PRORP: variants seen among roughly 807,000 people sequenced by gnomAD.
The protein encoded by PRORP is protein only RNase P catalytic subunit.
Under a neutral mutation model 59.4 loss-of-function variants are expected in PRORP, and 51 were observed. The observed-to-expected ratio is 0.86, with a 90% confidence interval of 0.69 to 1.08. The LOEUF is 1.08. Among genes scored for constraint, PRORP ranks in the 50% least tolerant of loss-of-function variants. The pLI is 0.00. For missense variants in PRORP, 646 were observed against 690.3 expected, an observed-to-expected ratio of 0.94 and a Z score of 0.72; for synonymous variants, 231 against 245.6, an observed-to-expected ratio of 0.94 and a Z score of 0.55.
intron 5 of PRORP, among the ~76,000 whole-genome samples, chr14:35,254,573 G>A (rs535817172): frequency 2.0e-5 from 3 of 152,184 alleles, no homozygotes; most frequent in African/African-American, 7.2e-5. Context: ...TGTATTTTTA[G>A]TAGAGATGAG....
intron 2 of PRORP, 68 bp from the exon 3 acceptor site, chr14:35,126,667 C>A: frequency 8.3e-7 from 1 of 1,206,046 alleles, no homozygotes; most frequent in Non-Finnish European, 1.2e-6. Flanking sequence ...TTTCCAAATA[C>A]CATGAATATC....
intron 5 of PRORP, among the ~76,000 whole-genome samples, chr14:35,182,908 A>C (rs2048650636): frequency 6.6e-6 from 1 of 152,190 alleles, no homozygotes; most frequent in African/African-American, 2.4e-5. Context: ...GTACATAAAG[A>C]AATGTATTCA....
intron 5 of PRORP, among the ~76,000 whole-genome samples, chr14:35,196,141 G>A (rs1214370317): frequency 6.6e-6 from 1 of 152,150 alleles, no homozygotes; most frequent in Non-Finnish European, 1.5e-5. Flanking sequence ...ATAAACTTGG[G>A]CTGTGAATCT....
At chr14:35,220,002 T>C (rs1388375187) in intron 5 of PRORP, among the ~76,000 whole-genome samples, 1 of 152,238 alleles carries the variant, frequency 6.6e-6, no homozygotes, top group Non-Finnish European at 1.5e-5. Flanking sequence ...TGTCTCTTTT[T>C]GTCTCAAAAG....
intron 5 of PRORP, among the ~76,000 whole-genome samples, chr14:35,207,006 A>G (rs1166139105): frequency 3.3e-5 from 5 of 151,740 alleles, no homozygotes; most frequent in Non-Finnish European, 5.9e-5. Context: ...TGTGATTTTA[A>G]CCCCTACATT....
At chr14:35,189,464 T>C (rs2048828630) in intron 5 of PRORP, among the ~76,000 whole-genome samples, 1 of 151,162 alleles carries the variant, frequency 6.6e-6, no homozygotes, top group Admixed American at 6.6e-5. Context: ...GAGGGAAGGA[T>C]TCTGAGTGAC....
At chr14:35,132,970 G>A (rs2047286549) in intron 4 of PRORP, among the ~76,000 whole-genome samples, 1 of 152,092 alleles carries the variant, frequency 6.6e-6, no homozygotes, top group African/African-American at 2.4e-5. Flanking sequence ...TGCCCAGGCT[G>A]GAGTGCAATG....
intron 4 of PRORP, among the ~76,000 whole-genome samples, chr14:35,134,092 G>A (rs1019652440): frequency 6.6e-6 from 1 of 152,234 alleles, no homozygotes; most frequent in Non-Finnish European, 1.5e-5. Flanking sequence ...GGCCTCAGCA[G>A]GTCCAGAAGT....
intron 7 of PRORP, 79 bp from the exon 8 acceptor site, chr14:35,273,356 G>A: frequency 2.1e-6 from 3 of 1,400,504 alleles, no homozygotes; most frequent in Middle Eastern, 2.4e-4. Context: ...GAGCAAACTT[G>A]AGAAGTGTCA....
chr14:35,150,020 A>C (rs2047705557), intron 4 of PRORP, among the ~76,000 whole-genome samples: 1 of 152,100 alleles, frequency 6.6e-6, no homozygotes, highest in African/African-American at 2.4e-5. Flanking sequence ...ACACCGGCTA[A>C]TTTTTAGTAG....
At chr14:35,135,081 G>A (rs983401015) in intron 4 of PRORP, among the ~76,000 whole-genome samples, 2 of 152,168 alleles carry the variant, frequency 1.3e-5, no homozygotes, top group Admixed American at 6.5e-5. Context: ...TGAGTTCAAT[G>A]CAGTGTCTCA....
chr14:35,177,080 C>T (rs1335169617), intron 4 of PRORP, among the ~76,000 whole-genome samples: 2 of 152,186 alleles, frequency 1.3e-5, no homozygotes, highest in Admixed American at 6.5e-5. Flanking sequence ...CCTTGCATCC[C>T]AGGGATGAAG....
Position 35,266,856 on chromosome 14 carries a change from T to G in PRORP, c.1405T>G (p.Cys469Gly). ...GGAAGAGGTGCAAAAGCAAGCCAGC[T>G]GTTTTTTTGCTGATGACATGTAAGT... is the stretch of plus-strand genomic sequence containing the variant. ...EMEEVQKQAS[C>G]FFADDISEDD... The change falls in exon 6 of 8, where the codon TGT becomes GGT. Residue 469 changes from cysteine to glycine, a missense_variant. Cys to Gly is a radical substitution (Grantham distance 159). Transcript: ENST00000534898. 1.2e-6 allele frequency: 2 copies of G among 1,614,198 alleles called. No individual in the cohort carries two copies. The highest frequency in any genetic ancestry group is 1.7e-6 in the Non-Finnish European group (2 of 1,180,026).
At chr14:35,133,372 A>G (rs1291002418) in intron 4 of PRORP, among the ~76,000 whole-genome samples, 2 of 151,846 alleles carry the variant, frequency 1.3e-5, no homozygotes, top group African/African-American at 4.8e-5. Context: ...TTTTTTTTCA[A>G]TCTCTTTGTT....
At chr14:35,238,825 G>T (rs2050286669) in intron 5 of PRORP, among the ~76,000 whole-genome samples, 1 of 152,074 alleles carries the variant, frequency 6.6e-6, no homozygotes, top group South Asian at 2.1e-4. Context: ...ATGAAGTAAG[G>T]CATATCAAAG....
rs1203317515 is a variant in PRORP, at chr14:35,123,235, C to T, written c.-11C>T. 9 of 1,600,770 alleles carry T rather than the reference C, an allele frequency of 5.6e-6. No homozygotes were observed. Among genetic ancestry groups the T allele is most frequent in the Non-Finnish European group, 7.7e-6 (9 of 1,174,768 alleles). ...ATCTCTCTCACTATCTGGTGCTGAT[C>T]TCACTGCATAATGACTTTCTATTTG... is the stretch of plus-strand genomic sequence containing the variant. On this transcript the variant is annotated 5_prime_UTR_variant, in exon 2 of 8. Coordinates refer to ENST00000534898, the MANE Select transcript of PRORP (RefSeq NM_014672.4).
intron 4 of PRORP, among the ~76,000 whole-genome samples, chr14:35,161,076 ACC>A (rs1491076868): frequency 1.6e-5 from 2 of 125,190 alleles, no homozygotes; most frequent in Middle Eastern, 3.9e-3. Context: ...CCATGTGAAG[ACC>A]GGAGCCCATT....
Position 35,123,553 on chromosome 14 carries a change from A to G in PRORP, c.308A>G (p.His103Arg). The change falls in exon 2 of 8, where the codon CAT becomes CGT. Residue 103 changes from histidine (H) to arginine (R), a missense_variant. By Grantham distance (29) the His-to-Arg change is conservative. Transcript: ENST00000534898. ...CAGATGAATTCTCAAACTGAAGATC[A>G]TGCCTTGGCACCTGTGAGGAACACT... ...RSQMNSQTED[H>R]ALAPVRNTIQ... 6.2e-7 allele frequency: 1 copy of G among 1,614,184 alleles called. No homozygotes were observed. Among genetic ancestry groups the G allele is most frequent in the Non-Finnish European group, 8.5e-7 (1 of 1,180,012 alleles).
At chr14:35,131,174 C>T (rs2047228785) in intron 4 of PRORP, among the ~76,000 whole-genome samples, 1 of 151,948 alleles carries the variant, frequency 6.6e-6, no homozygotes, top group Admixed American at 6.6e-5. Flanking sequence ...AACTCCTGAC[C>T]TCAGGTGATC....
Sources: gnomAD v4.1 joint callset for allele counts (sites outside exome capture counted in the v4.1 genomes callset) on GRCh38, gnomAD v4.1.1 for gene constraint, MANE v1.5 for transcripts, NCBI Gene and HGNC (gene_info 2026-07-23, HGNC 2026-07-21) for gene names.